RYR2: variants seen among roughly 807,000 people sequenced by gnomAD.
RYR2 encodes cardiac muscle ryanodine receptor-calcium release channel.
A neutral mutation model predicts 601.1 loss-of-function variants in RYR2; 227 were observed. That is an observed-to-expected ratio of 0.38 (90% CI 0.34 to 0.42). RYR2 has a LOEUF of 0.42. Ranked by LOEUF, RYR2 falls within the 10% of genes least tolerant of loss-of-function variation. RYR2 has a pLI of 1.00. For missense variants in RYR2, 4,646 were observed against 6,156.5 expected, an observed-to-expected ratio of 0.75 and a Z score of 8.21; for synonymous variants, 2,223 against 2,175.1, an observed-to-expected ratio of 1.02 and a Z score of -0.61.
intron 3 of RYR2, among the ~76,000 whole-genome samples, chr1:237,343,216 C>T (rs1227174906): frequency 6.6e-6 from 1 of 150,906 alleles, no homozygotes; most frequent in Non-Finnish European, 1.5e-5. Context: ...GAGCGAGATG[C>T]TGTCTCAAAA....
At chr1:237,767,182 G>A (rs965991905) in intron 84 of RYR2, among the ~76,000 whole-genome samples, 3 of 152,096 alleles carry the variant, frequency 2.0e-5, no homozygotes, top group Admixed American at 6.6e-5. Flanking sequence ...TCTAGCAATG[G>A]TTTTCCTTTG....
chr1:237,500,929 T>A, intron 21 of RYR2, 26 bp downstream of exon 21: 2 of 1,599,834 alleles, frequency 1.3e-6, no homozygotes, highest in Non-Finnish European at 1.7e-6. Flanking sequence ...TTTTTTGGTC[T>A]CTTTCCTTTC....
At position 237,595,683 on chromosome 1, in the gene RYR2, C is replaced by T. The variant is rs778482566; in HGVS notation, c.4596+26C>T. Reference sequence around the variant, plus strand: ...GTACGCGGTCAGTGATGATATCAGTCTTCTAGGGAGGAAGACTTCTTTCCC... The same window carrying T: ...GTACGCGGTCAGTGATGATATCAGTTTTCTAGGGAGGAAGACTTCTTTCCC... On this transcript the variant is annotated intron_variant, in intron 34 of 104. Transcript: ENST00000366574. The T allele has an allele frequency of 2.1e-5, 33 of 1,567,842 alleles. No homozygotes were observed. The African/African-American group carries it at 4.1e-4, about 20-fold the overall frequency.
At chr1:237,176,643 A>G (rs1312733168) in intron 1 of RYR2, among the ~76,000 whole-genome samples, 3 of 152,160 alleles carry the variant, frequency 2.0e-5, no homozygotes, top group East Asian at 1.9e-4. Flanking sequence ...TCTGATTTCT[A>G]TTGACTTTTC....
Position 237,833,006 on chromosome 1 carries a change from GCCTCTTT to G in RYR2, c.*360_*366del. ...GACACGTGGCAGCCACACTCACCCA[GCCTCTTT>G]ATTTCACCATCCTGGAAGGAAACTG... On this transcript the variant is annotated 3_prime_UTR_variant, in exon 105 of 105. Transcript: ENST00000366574. The G allele has an allele frequency of 2.9e-5, 5 of 174,550 alleles. No individual in the cohort carries two copies. The highest frequency in any genetic ancestry group is 3.0e-4 in the South Asian group (2 of 6,612). The allele number at this position is 174,550 out of a possible 1,614,324, so 10.8% of individuals were successfully genotyped here. A position where few individuals can be genotyped will look rare whatever the true frequency, so the allele number is the denominator to read the frequency against.
chr1:237,803,590 A>G (rs2794823), intron 98 of RYR2, among the ~76,000 whole-genome samples: 78,291 of 151,920 alleles, frequency 0.52, 20,353 homozygotes, highest in East Asian at 0.64. Context: ...GTGAGCCACC[A>G]CGCCCAGTCT....
intron 63 of RYR2, among the ~76,000 whole-genome samples, chr1:237,698,311 A>G (rs553708366): frequency 5.5e-4 from 84 of 152,250 alleles, no homozygotes; most frequent in African/African-American, 1.9e-3. Context: ...AAATATGCCA[A>G]TCAAAATGAG....
At chr1:237,414,876 C>G (rs945393876) in intron 10 of RYR2, among the ~76,000 whole-genome samples, 2 of 152,152 alleles carry the variant, frequency 1.3e-5, no homozygotes, top group Admixed American at 6.6e-5. Flanking sequence ...TGGGTCTTAA[C>G]AAACCCTCAA....
intron 29 of RYR2, among the ~76,000 whole-genome samples, chr1:237,587,633 G>A (rs1173468958): frequency 1.3e-5 from 2 of 151,870 alleles, no homozygotes; most frequent in East Asian, 1.9e-4. Flanking sequence ...TTCGTCTCAC[G>A]AAAAAAAGTA....
rs1658536551 is a variant in RYR2 at position 237,454,281 on chromosome 1, C to A, written c.1293-110C>A. The A allele has an allele frequency of 3.5e-6, 4 of 1,131,242 alleles. No homozygotes were observed. In the Admixed American group the frequency reaches 1.1e-4, roughly 32 times the overall value. 70.1% of individuals were successfully genotyped at this position (1,131,242 alleles called of 1,614,324 possible). On this transcript the variant is annotated intron_variant, in intron 14 of 104. Transcript: ENST00000366574. The stretch of plus-strand genomic sequence containing the variant: ...GCAGGAGGACCTTTCTGACATGTCC[C>A]TTTTACAGTGATGTAGGGAGAGAGA...
intron 1 of RYR2, among the ~76,000 whole-genome samples, chr1:237,157,571 G>A (rs1675542433): frequency 6.6e-6 from 1 of 152,106 alleles, no homozygotes; most frequent in South Asian, 2.1e-4. Context: ...AGAATGAAAT[G>A]CTTTCATTTG....
intron 71 of RYR2, among the ~76,000 whole-genome samples, chr1:237,715,269 A>G (rs1180239963): frequency 1.3e-5 from 2 of 152,192 alleles, no homozygotes; most frequent in Non-Finnish European, 2.9e-5. Context: ...CAGCTGCCCC[A>G]AAGGAGCTGC....
At chr1:237,567,032 AG>A (rs1437070851) in intron 28 of RYR2, among the ~76,000 whole-genome samples, 1 of 152,232 alleles carries the variant, frequency 6.6e-6, no homozygotes, top group Non-Finnish European at 1.5e-5. Context: ...AAAATGTTAA[AG>A]ATACATATGT....
At chr1:237,308,999 C>A (rs1434396050) in intron 2 of RYR2, among the ~76,000 whole-genome samples, 1 of 152,236 alleles carries the variant, frequency 6.6e-6, no homozygotes, top group African/African-American at 2.4e-5. Context: ...TAGCTAGACA[C>A]AGAGCACTGA....
intron 2 of RYR2, among the ~76,000 whole-genome samples, chr1:237,324,702 C>G (rs1461826656): frequency 6.6e-6 from 1 of 152,126 alleles, no homozygotes; most frequent in African/African-American, 2.4e-5. Flanking sequence ...AGCCCGACTC[C>G]CCTGAGGTAT....
At chr1:237,391,099 C>T (rs1224982557) in intron 10 of RYR2, among the ~76,000 whole-genome samples, 3 of 152,120 alleles carry the variant, frequency 2.0e-5, no homozygotes, top group Non-Finnish European at 2.9e-5. Flanking sequence ...TTGAATTTCA[C>T]AATTATATAG....
At chr1:237,511,059 T>C (rs1039668169) in intron 23 of RYR2, among the ~76,000 whole-genome samples, 1 of 152,284 alleles carries the variant, frequency 6.6e-6, no homozygotes. Context: ...TTTGGTTCTA[T>C]ACAGGAAAAT....
intron 24 of RYR2, among the ~76,000 whole-genome samples, chr1:237,519,235 T>C (rs1666856085): frequency 6.6e-6 from 1 of 152,222 alleles, no homozygotes; most frequent in South Asian, 2.1e-4. Flanking sequence ...AGGTAGTCTC[T>C]TCACTCTGTT....
intron 12 of RYR2, 84 bp from the exon 13 acceptor site, chr1:237,441,235 T>C: frequency 6.9e-7 from 1 of 1,459,446 alleles, no homozygotes; most frequent in Non-Finnish European, 9.5e-7. Flanking sequence ...TCAAGGAACA[T>C]ATTTGCAATA....
Sources: allele counts gnomAD v4.1 joint callset (sites outside exome capture counted in the v4.1 genomes callset), GRCh38; gene constraint gnomAD v4.1.1; transcripts MANE v1.5; gene names NCBI Gene and HGNC (gene_info 2026-07-23, HGNC 2026-07-21).